Variants in TMEM54 observed in about 807,000 individuals in gnomAD.
TMEM54 encodes transmembrane protein 54.
Under a neutral mutation model 21.3 loss-of-function variants are expected in TMEM54, and 21 were observed. The observed-to-expected ratio is 0.99, with a 90% CI of 0.70 to 1.42. The LOEUF (loss-of-function observed/expected upper bound fraction) is 1.42. Among genes scored for constraint, TMEM54 ranks in the 40% most tolerant of loss-of-function variants. The pLI is 0.00. For synonymous variants in TMEM54, 109 were observed against 125.0 expected, an observed-to-expected ratio of 0.87 and a Z score of 0.86; for missense variants, 246 against 294.0, an observed-to-expected ratio of 0.84 and a Z score of 1.19.
rs1437254411 is a variant in TMEM54, at chr1:32,898,766, T to C, written c.17-447A>G. Among the ~76,000 whole-genome samples the C allele has an allele frequency of 3.9e-5, 6 of 152,298 alleles. No individual in the cohort carries two copies. In the South Asian group the frequency reaches 6.2e-4, roughly 16 times the overall value. The stretch of plus-strand genomic sequence containing the variant: ...CCAGGCCACAAGGAGCCAGAGTTCA[T>C]TGGGCAGGAATTGGGCCCTGCTTGG... On this transcript the variant is annotated intron_variant, in intron 1 of 5. Coordinates refer to ENST00000373463, the MANE Select transcript of TMEM54 (RefSeq NM_033504.4).
chr1:32,898,344 C>A, intron 1 of TMEM54, 25 bp from the exon 2 acceptor site: 1 of 1,584,216 alleles, frequency 6.3e-7, no homozygotes, highest in African/African-American at 1.3e-5. Context: ...TATGTCAGGG[C>A]TGTGCGTGGG....
intron 1 of TMEM54, among the ~76,000 whole-genome samples, chr1:32,900,084 C>A (rs1216771753): frequency 1.3e-5 from 2 of 152,180 alleles, no homozygotes; most frequent in Non-Finnish European, 2.9e-5. Context: ...ACCCCCTCCA[C>A]CCACCTACCT....
Position 32,898,225 on chromosome 1 carries a change from C to T in TMEM54, c.111G>A (p.Leu37=), listed in dbSNP as rs1311778979. 3 of 1,613,712 alleles carry T rather than the reference C, an allele frequency of 1.9e-6. No individual in the cohort carries two copies. The highest frequency in any genetic ancestry group is 2.5e-6 in the Non-Finnish European group (3 of 1,179,662). ...LGHVSFITAA[L]FHGTVLRYVG... ...CGTAGCGCAGCACTGTGCCATGGAA[C>T]AGGGCAGCTGTGATGAAGCTCACAT... The change falls in exon 2 of 6, where the codon CTG becomes CTA. Residue 37 remains leucine, a synonymous_variant. Coordinates refer to ENST00000373463, the MANE Select transcript of TMEM54 (RefSeq NM_033504.4).
Position 32,896,990 on chromosome 1 carries a change from A to G in TMEM54, c.211-1021T>C, listed in dbSNP as rs1413739442. 6.6e-6 allele frequency among the ~76,000 whole-genome samples: 1 copy of G among 152,224 alleles called. No homozygotes were observed. Among genetic ancestry groups the G allele is most frequent in the African/African-American group, 2.4e-5 (1 of 41,462 alleles). On this transcript the variant is annotated intron_variant, in intron 2 of 5. Transcript: ENST00000373463. The surrounding 1 kb of genome is among the most constrained non-coding windows in gnomAD (Gnocchi z 4.1). ...TGGTTTCCTCTTTTGTGAAACAGGT[A>G]TAATAATGGCCCCCAGTTGCTGGGA...
At position 32,896,139 on chromosome 1, in the gene TMEM54, A is replaced by G; in HGVS notation, c.211-170T>C. 1 of 641,204 alleles carries G rather than the reference A, an allele frequency of 1.6e-6. No homozygotes were observed. Among genetic ancestry groups the G allele is most frequent in the Non-Finnish European group, 2.6e-6 (1 of 380,470 alleles). The allele number at this position is 641,204 out of a possible 1,614,324, so 39.7% of individuals were successfully genotyped here. ...GCCTCACATCTCCATCTGCCTCCTC[A>G]TAGTCCAGCCTGACATGATGTTTCT... is the stretch of plus-strand genomic sequence containing the variant. On this transcript the variant is annotated intron_variant, in intron 2 of 5. Transcript: ENST00000373463. This position sits in a 1 kb window ranked among gnomAD's most constrained non-coding sequence, Gnocchi z 4.1.
At chr1:32,900,749 G>A (rs1641707016) in intron 1 of TMEM54, among the ~76,000 whole-genome samples, 2 of 152,246 alleles carry the variant, frequency 1.3e-5, no homozygotes, top group South Asian at 2.1e-4. Flanking sequence ...GGAAGGAGGG[G>A]GCACATTAGT....
rs911569002 is a variant in TMEM54 at position 32,894,641 on chromosome 1, A to G, written c.*164T>C. 4.0e-5 allele frequency: 33 copies of G among 816,058 alleles called. No individual in the cohort carries two copies. The highest frequency in any genetic ancestry group is 6.1e-5 in the Non-Finnish European group (32 of 525,664). The allele number at this position is 816,058 out of a possible 1,614,324, so 50.6% of individuals were successfully genotyped here. ...TAATTTCAGAATAAAGTCTCATTTCAGTGCAGTGGGCTGGGTGGTGGGGGA... is the reference window on the plus strand; with the variant it reads ...TAATTTCAGAATAAAGTCTCATTTCGGTGCAGTGGGCTGGGTGGTGGGGGA... On this transcript the variant is annotated 3_prime_UTR_variant, in exon 6 of 6. Coordinates refer to ENST00000373463, the MANE Select transcript of TMEM54 (RefSeq NM_033504.4).
At position 32,896,546 on chromosome 1, in the gene TMEM54, C is replaced by T. The variant is rs1641604121; in HGVS notation, c.211-577G>A. On this transcript the variant is annotated intron_variant, in intron 2 of 5. Transcript: ENST00000373463. This position sits in a 1 kb window ranked among gnomAD's most constrained non-coding sequence, Gnocchi z 4.1. ...GCCTGCTCAGGACACTGCCCATGCA[C>T]CCTCTCACCTTCCTGCTCCTCTGCC... Among the ~76,000 whole-genome samples the T allele has an allele frequency of 6.6e-6, 1 of 152,234 alleles. No homozygotes were observed. Among genetic ancestry groups the T allele is most frequent in the South Asian group, 2.1e-4 (1 of 4,834 alleles).
Sources: allele counts gnomAD v4.1 joint callset (sites outside exome capture counted in the v4.1 genomes callset), GRCh38; gene constraint gnomAD v4.1.1; non-coding constraint Gnocchi (gnomAD v3.1); transcripts MANE v1.5; gene names NCBI Gene and HGNC (gene_info 2026-07-23, HGNC 2026-07-21).